The following ADCY2 variants were observed in gnomAD, a reference collection of about 807,000 sequenced individuals.
ADCY2 encodes adenylate cyclase 2.
Under a neutral mutation model 125.2 loss-of-function variants are expected in ADCY2, and 31 were observed. The ratio of observed to expected loss-of-function variants is 0.25; its 90% CI spans 0.19 to 0.33. The LOEUF is 0.33. Ranked by LOEUF, ADCY2 falls within the 10% of genes least tolerant of loss-of-function variation. The pLI is 1.00. For synonymous variants in ADCY2, 512 were observed against 548.4 expected (o/e 0.93, Z 0.93); for missense variants, 904 against 1,418.2 (o/e 0.64, Z 5.82).
At chr5:7,773,571 A>G (rs1743623196) in intron 18 of ADCY2, among the ~76,000 whole-genome samples, 1 of 152,208 alleles carries the variant, frequency 6.6e-6, no homozygotes, top group South Asian at 2.1e-4. Flanking sequence ...GGAAGGCAAA[A>G]TGGCCCTCAG....
At position 7,721,827 on chromosome 5, in the gene ADCY2, G is replaced by A. The variant is rs527772990; in HGVS notation, c.1704-2718G>A. On this transcript the variant is annotated intron_variant, in intron 12 of 24. Transcript: ENST00000338316. ...GTAGTATAGTTTGAAGTCAGGTAGT[G>A]TGATACCTCCAATCACATTTTTAAA... 2.9e-3 allele frequency among the ~76,000 whole-genome samples: 447 copies of A among 152,212 alleles called. 2 individuals are homozygous for A. Among genetic ancestry groups the A allele is most frequent in the Admixed American group, 7.2e-3 (110 of 15,284 alleles).
intron 22 of ADCY2, among the ~76,000 whole-genome samples, chr5:7,809,160 A>G (rs1230345083): frequency 6.6e-6 from 1 of 152,206 alleles, no homozygotes; most frequent in East Asian, 1.9e-4. Flanking sequence ...CGTGTTTTGC[A>G]TATTGGTACC....
At chr5:7,442,397 T>C (rs370335331) in intron 2 of ADCY2, among the ~76,000 whole-genome samples, 1 of 152,190 alleles carries the variant, frequency 6.6e-6, no homozygotes, top group African/African-American at 2.4e-5. Flanking sequence ...ATATGTTCTG[T>C]AAACTGAGCG....
chr5:7,693,505 G>A (rs1159549909), intron 5 of ADCY2, among the ~76,000 whole-genome samples: 1 of 141,952 alleles, frequency 7.0e-6, no homozygotes, highest in Non-Finnish European at 1.5e-5. Flanking sequence ...TGCAACCTCC[G>A]CCTGCCGGGT....
At chr5:7,435,538 T>C (rs1277126139) in intron 2 of ADCY2, among the ~76,000 whole-genome samples, 1 of 152,224 alleles carries the variant, frequency 6.6e-6, no homozygotes, top group East Asian at 1.9e-4. Flanking sequence ...AACACTCTCA[T>C]TGCATTTAAG....
At chr5:7,696,490 G>A (rs1191043129) in intron 6 of ADCY2, among the ~76,000 whole-genome samples, 4 of 152,138 alleles carry the variant, frequency 2.6e-5, no homozygotes, top group African/African-American at 9.7e-5. Context: ...TATTAGAACT[G>A]CCACAGTTGC....
chr5:7,536,497 A>G (rs938586295), intron 3 of ADCY2, among the ~76,000 whole-genome samples: 20 of 152,092 alleles, frequency 1.3e-4, no homozygotes, highest in Admixed American at 2.0e-4. Flanking sequence ...GTTGATTCTC[A>G]CCTTGATTGA....
intron 3 of ADCY2, among the ~76,000 whole-genome samples, chr5:7,610,636 G>A (rs1266683406): frequency 6.6e-6 from 1 of 152,138 alleles, no homozygotes; most frequent in African/African-American, 2.4e-5. Flanking sequence ...TGTTAAGGAA[G>A]GGTGTTGTTA....
Position 7,589,528 on chromosome 5 carries a change from A to AAGAGAAAG in ADCY2, c.571-36636_571-36635insGAAAGAGA, listed in dbSNP as rs376178493. On this transcript the variant is annotated intron_variant, in intron 3 of 24. Transcript: ENST00000338316. The stretch of plus-strand genomic sequence containing the variant: ...AAAGAAAGAAAAGAAAAGAAAGAGA[A>AAGAGAAAG]AGAAAGAAAGGAGGGAGGGAAGGAG... Among the ~76,000 whole-genome samples, 727 of 132,400 alleles carry AAGAGAAAG rather than the reference A, an allele frequency of 5.5e-3. 27 individuals are homozygous for AAGAGAAAG. The highest frequency in any genetic ancestry group is 0.021 in the African/African-American group (682 of 32,686). The allele number at this position is 132,400 out of a possible 152,430, so 86.9% of individuals were successfully genotyped here. A position where few individuals can be genotyped will look rare whatever the true frequency, so the allele number is the denominator to read the frequency against.
At chr5:7,707,595 G>C (rs906591300) in intron 8 of ADCY2, 111 bp from the exon 9 acceptor site, 9 of 1,292,906 alleles carry the variant, frequency 7.0e-6, no homozygotes, top group Non-Finnish European at 9.7e-6. Flanking sequence ...TGCGGTCAGT[G>C]CTCCTAAGAA....
At chr5:7,723,961 T>C (rs937128551) in intron 12 of ADCY2, among the ~76,000 whole-genome samples, 4 of 130,220 alleles carry the variant, frequency 3.1e-5, no homozygotes, top group African/African-American at 1.2e-4. Flanking sequence ...AGAAAAAACT[T>C]TATTCAAGCA....
chr5:7,615,317 G>A (rs1378690524), intron 3 of ADCY2, among the ~76,000 whole-genome samples: 4 of 152,136 alleles, frequency 2.6e-5, no homozygotes, highest in Non-Finnish European at 5.9e-5. Context: ...TGCTATCTCT[G>A]GGGCACTTCT....
intron 4 of ADCY2, among the ~76,000 whole-genome samples, chr5:7,649,743 A>G (rs947537017): frequency 7.9e-5 from 12 of 152,196 alleles, no homozygotes; most frequent in Admixed American, 3.3e-4. Flanking sequence ...TCAAAGTCCA[A>G]CTGCTTAGTA....
intron 7 of ADCY2, among the ~76,000 whole-genome samples, chr5:7,706,027 G>A (rs1055006017): frequency 5.9e-5 from 9 of 152,034 alleles, no homozygotes; most frequent in African/African-American, 1.4e-4. Flanking sequence ...TAATTCTTTC[G>A]ATGTAACTAG....
In ADCY2 at chr5:7,454,363, C is replaced by T. The variant is rs1741588177; in HGVS notation, c.408+39593C>T. On this transcript the variant is annotated intron_variant, in intron 2 of 24. Coordinates refer to ENST00000338316, the MANE Select transcript of ADCY2 (RefSeq NM_020546.3). ...GCACTGGGAAACTAAAAAATTGGTGCGACTCACTTTATTTCGGCATTCTCT... is the reference window on the plus strand; with the variant it reads ...GCACTGGGAAACTAAAAAATTGGTGTGACTCACTTTATTTCGGCATTCTCT... Among the ~76,000 whole-genome samples, 2 of 152,128 alleles carry T rather than the reference C, an allele frequency of 1.3e-5. 1 individual carries two copies. The highest frequency in any genetic ancestry group is 4.1e-4 in the South Asian group (2 of 4,828).
At chr5:7,785,436 T>C (rs1744051766) in intron 19 of ADCY2, among the ~76,000 whole-genome samples, 2 of 152,192 alleles carry the variant, frequency 1.3e-5, no homozygotes, top group Admixed American at 6.5e-5. Context: ...CACCGAGCTG[T>C]CCTGTCCTGC....
At chr5:7,722,204 T>C (rs944343606) in intron 12 of ADCY2, among the ~76,000 whole-genome samples, 4 of 152,162 alleles carry the variant, frequency 2.6e-5, no homozygotes, top group Admixed American at 1.3e-4. Context: ...ACATGGGTTC[T>C]GGGGACTTAA....
chr5:7,540,633 G>T (rs1734965749), intron 3 of ADCY2, among the ~76,000 whole-genome samples: 2 of 152,170 alleles, frequency 1.3e-5, no homozygotes, highest in Admixed American at 1.3e-4. Flanking sequence ...TTTCCCCAAA[G>T]AGTCTCCAAA....
At chr5:7,418,510 C>G (rs575352780) in intron 2 of ADCY2, among the ~76,000 whole-genome samples, 36 of 152,200 alleles carry the variant, frequency 2.4e-4, no homozygotes, top group African/African-American at 8.4e-4. Context: ...TGCAGTGGAC[C>G]GGCTCATACC....
Sources: allele counts gnomAD v4.1 joint callset (sites outside exome capture counted in the v4.1 genomes callset), GRCh38; gene constraint gnomAD v4.1.1; transcripts MANE v1.5; gene names NCBI Gene and HGNC (gene_info 2026-07-23, HGNC 2026-07-21).